PGM2L1: variants seen among roughly 807,000 people sequenced by gnomAD.
The protein encoded by PGM2L1 is phosphoglucomutase 2 like 1.
In PGM2L1, 35 loss-of-function variants were observed where a neutral mutation model predicts 73.4. The observed-to-expected ratio is 0.48, with a 90% CI of 0.36 to 0.63. The LOEUF (loss-of-function observed/expected upper bound fraction) is 0.63, where lower values mean the gene tolerates loss of function less well. Ranked by LOEUF, PGM2L1 falls within the 30% of genes least tolerant of loss-of-function variation. PGM2L1 has a pLI of 0.00. For synonymous variants in PGM2L1, 225 were observed against 253.8 expected, an observed-to-expected ratio of 0.89 and a Z score of 1.08; for missense variants, 570 against 742.0, an observed-to-expected ratio of 0.77 and a Z score of 2.69.
rs1227773636 is a variant in PGM2L1, at chr11:74,333,252, T to C, written c.*3400A>G. ...AGATTTCTCAAGAAGTTCCTAAATCTTAAACTTTCCATGCTGTCTTTAAAA... is the reference window on the plus strand; with the variant it reads ...AGATTTCTCAAGAAGTTCCTAAATCCTAAACTTTCCATGCTGTCTTTAAAA... On this transcript the variant is annotated 3_prime_UTR_variant, in exon 14 of 14. Transcript: ENST00000298198. 6.6e-6 allele frequency: 1 copy of C among 152,172 alleles called. No homozygotes were observed. Among genetic ancestry groups the C allele is most frequent in the African/African-American group, 2.4e-5 (1 of 41,448 alleles). The allele number at this position is 152,172 out of a possible 1,614,324, so 9.4% of individuals were successfully genotyped here.
chr11:74,382,896 A>G (rs1311813492), intron 1 of PGM2L1, among the ~76,000 whole-genome samples: 1 of 152,244 alleles, frequency 6.6e-6, no homozygotes, highest in African/African-American at 2.4e-5. Flanking sequence ...AAAGTCACAC[A>G]ATAAGAAGAG....
intron 1 of PGM2L1, 140 bp downstream of exon 1, chr11:74,397,911 T>C (rs1375456664): frequency 1.5e-6 from 2 of 1,343,610 alleles, no homozygotes; most frequent in Non-Finnish European, 9.6e-7. Context: ...CATAGGTGGG[T>C]GGCAACGCCC....
intron 1 of PGM2L1, among the ~76,000 whole-genome samples, chr11:74,384,824 G>T (rs994576911): frequency 1.4e-4 from 22 of 152,064 alleles, no homozygotes; most frequent in Non-Finnish European, 2.5e-4. Flanking sequence ...GTATTCACAG[G>T]GCAGCCCTTT....
chr11:74,348,027 G>C (rs535598107), intron 6 of PGM2L1, among the ~76,000 whole-genome samples: 8 of 152,098 alleles, frequency 5.3e-5, no homozygotes, highest in Middle Eastern at 3.4e-3. Context: ...CTCAGACACA[G>C]AGCCATTTGA....
At chr11:74,389,947 C>CAAAAAAAAAA (rs71065078) in intron 1 of PGM2L1, among the ~76,000 whole-genome samples, 1,516 of 38,510 alleles carry the variant, frequency 0.039, 159 homozygotes, top group East Asian at 0.12. Flanking sequence ...ACTAAAAATA[C>CAAAAAAAAAA]AAAAAAAAAA....
rs1863164507 is a variant in PGM2L1, at chr11:74,395,654, ACCTTGGCCTC to A, written c.111+2387_111+2396del. On this transcript the variant is annotated intron_variant, in intron 1 of 13. Coordinates refer to ENST00000298198, the MANE Select transcript of PGM2L1 (RefSeq NM_173582.6). Reference sequence around the variant, plus strand: ...ACTCCTGACCTCAGGTGATCTGCCCACCTTGGCCTCCCAGGGTGCTAGCATTACAAGCGTG... The same window carrying A: ...ACTCCTGACCTCAGGTGATCTGCCCACCAGGGTGCTAGCATTACAAGCGTG... Among the ~76,000 whole-genome samples, 7 of 135,854 alleles carry A rather than the reference ACCTTGGCCTC, an allele frequency of 5.2e-5. No homozygotes were observed. In the South Asian group the frequency reaches 1.4e-3, roughly 27 times the overall value. 89.1% of individuals were successfully genotyped at this position (135,854 alleles called of 152,430 possible).
chr11:74,354,410 A>C, intron 5 of PGM2L1: 1 of 637,046 alleles, frequency 1.6e-6, no homozygotes, highest in South Asian at 2.0e-5. Flanking sequence ...GCTGCTGAGG[A>C]AGCATCATTA....
chr11:74,384,515 A>G (rs945776997), intron 1 of PGM2L1, among the ~76,000 whole-genome samples: 1 of 151,528 alleles, frequency 6.6e-6, no homozygotes, highest in Non-Finnish European at 1.5e-5. Flanking sequence ...GTTTATGTTG[A>G]CTTGCTTCCT....
In PGM2L1 at chr11:74,331,390, G is replaced by C. The variant is rs183316782; in HGVS notation, c.*5262C>G. On this transcript the variant is annotated 3_prime_UTR_variant, in exon 14 of 14. Transcript: ENST00000298198. ...TGATTCTCCTGCCTCAGCCTCCCGA[G>C]TAGCTGGGATTACAGGCATGTGCCA... 1 of 151,678 alleles carries C rather than the reference G, an allele frequency of 6.6e-6. No homozygotes were observed. Among genetic ancestry groups the C allele is most frequent in the Non-Finnish European group, 1.5e-5 (1 of 68,276 alleles). The allele number at this position is 151,678 out of a possible 1,614,324, so 9.4% of individuals were successfully genotyped here.
At position 74,355,023 on chromosome 11, in the gene PGM2L1, CAA is replaced by C. The variant is rs921138264; in HGVS notation, c.556-3449_556-3448del. Reference sequence around the variant, plus strand: ...AGAGATGGCTAGTGCTTCATCCAGCCAAAGAGGTCGAAGTGGCTCTGGAAACT... The same window carrying C: ...AGAGATGGCTAGTGCTTCATCCAGCCAGAGGTCGAAGTGGCTCTGGAAACT... On this transcript the variant is annotated intron_variant, in intron 5 of 13. Coordinates refer to ENST00000298198, the MANE Select transcript of PGM2L1 (RefSeq NM_173582.6). The C allele has an allele frequency of 7.7e-6, 10 of 1,303,266 alleles. No homozygotes were observed. The Admixed American group carries it at 1.7e-4, about 22-fold the overall frequency. 80.7% of individuals were successfully genotyped at this position (1,303,266 alleles called of 1,614,324 possible). A position where few individuals can be genotyped will look rare whatever the true frequency, so the allele number is the denominator to read the frequency against.
At chr11:74,368,648 G>C in intron 4 of PGM2L1, 73 bp from the exon 5 acceptor site, 1 of 1,221,484 alleles carries the variant, frequency 8.2e-7, no homozygotes, top group Non-Finnish European at 1.2e-6. Flanking sequence ...GAATAATTTT[G>C]ATTAAATAAC....
At chr11:74,338,442 T>C (rs371419880) in intron 13 of PGM2L1, 26 bp downstream of exon 13, 3 of 1,507,288 alleles carry the variant, frequency 2.0e-6, no homozygotes, top group Non-Finnish European at 2.7e-6. Flanking sequence ...CTTTTGTATG[T>C]ATATCTTAAA....
At position 74,374,270 on chromosome 11, in the gene PGM2L1, G is replaced by C. The variant is rs1264924376; in HGVS notation, c.279+145C>G. On this transcript the variant is annotated intron_variant, in intron 2 of 13. Coordinates refer to ENST00000298198, the MANE Select transcript of PGM2L1 (RefSeq NM_173582.6). ...ACCTAATTTTTGTATTTTTAGTAGAGACGGGGTTTCACCATGTTGGCCAGG... is the reference window on the plus strand; with the variant it reads ...ACCTAATTTTTGTATTTTTAGTAGACACGGGGTTTCACCATGTTGGCCAGG... The C allele has an allele frequency of 5.3e-6, 3 of 569,054 alleles. No individual in the cohort carries two copies. In the African/African-American group the frequency reaches 5.7e-5, roughly 11 times the overall value. The allele number at this position is 569,054 out of a possible 1,614,324, so 35.3% of individuals were successfully genotyped here. A position where few individuals can be genotyped will look rare whatever the true frequency, so the allele number is the denominator to read the frequency against.
intron 1 of PGM2L1, among the ~76,000 whole-genome samples, chr11:74,392,772 C>A (rs1214310200): frequency 6.6e-6 from 1 of 152,224 alleles, no homozygotes; most frequent in Non-Finnish European, 1.5e-5. Flanking sequence ...GATCTCCTGA[C>A]CTTGTGATCC....
chr11:74,396,224 C>T (rs1292891278), intron 1 of PGM2L1, among the ~76,000 whole-genome samples: 4 of 146,332 alleles, frequency 2.7e-5, no homozygotes, highest in Non-Finnish European at 6.0e-5. Context: ...GCGGAGATCG[C>T]GCCACTGCAC....
At chr11:74,377,908 T>TA (rs984962972) in intron 1 of PGM2L1, among the ~76,000 whole-genome samples, 1 of 151,980 alleles carries the variant, frequency 6.6e-6, no homozygotes, top group Non-Finnish European at 1.5e-5. Context: ...CTCTCTTATT[T>TA]ACAATTCACT....
In PGM2L1 at chr11:74,374,512, A is replaced by G; in HGVS notation, c.182T>C (p.Leu61Pro). 2 of 1,614,160 alleles carry G rather than the reference A, an allele frequency of 1.2e-6. No homozygotes were observed. Among genetic ancestry groups the G allele is most frequent in the African/African-American group, 2.7e-5 (2 of 75,056 alleles). ...AGTCCCAAAAGTCATTCGGCAACAA[A>G]GACGATCTCGCAGCTCCTTGTTCAT... ...NGMNKELRDR[L>P]CCRMTFGTAG... Residue 61 changes from leucine to proline, a missense_variant, in exon 2 of 14, where the codon CTT becomes CCT. Physicochemically the swap from Leu to Pro is moderately conservative, Grantham distance 98. Coordinates refer to ENST00000298198, the MANE Select transcript of PGM2L1 (RefSeq NM_173582.6).
intron 2 of PGM2L1, among the ~76,000 whole-genome samples, chr11:74,373,511 T>A (rs564285081): frequency 2.6e-5 from 4 of 152,240 alleles, no homozygotes; most frequent in Non-Finnish European, 5.9e-5. Context: ...AAATACATTA[T>A]TGGCCTCAAA....
rs1377280234 is a variant in PGM2L1, at chr11:74,398,367, A to G, written c.-206T>C. 2.8e-6 allele frequency: 2 copies of G among 722,538 alleles called. No individual in the cohort carries two copies. The highest frequency in any genetic ancestry group is 1.8e-5 in the African/African-American group (1 of 55,198). The allele number at this position is 722,538 out of a possible 1,614,324, so 44.8% of individuals were successfully genotyped here. On this transcript the variant is annotated 5_prime_UTR_variant, in exon 1 of 14. Coordinates refer to ENST00000298198, the MANE Select transcript of PGM2L1 (RefSeq NM_173582.6). Reference sequence around the variant, plus strand: ...TTTATGGCCGCCTGCTCCCCAGCGGACCAGGTCCGGGTCTCTGGGCGAAGT... The same window carrying G: ...TTTATGGCCGCCTGCTCCCCAGCGGGCCAGGTCCGGGTCTCTGGGCGAAGT...
Sources: allele counts gnomAD v4.1 joint callset (sites outside exome capture counted in the v4.1 genomes callset), GRCh38; gene constraint gnomAD v4.1.1; transcripts MANE v1.5; gene names NCBI Gene and HGNC (gene_info 2026-07-23, HGNC 2026-07-21).